OC90: variants seen among roughly 807,000 people sequenced by gnomAD.
OC90 encodes the protein otoconin 90.
A neutral mutation model predicts 47.3 loss-of-function variants in OC90; 46 were observed. The ratio of observed to expected loss-of-function variants is 0.97; its 90% CI spans 0.77 to 1.24. The LOEUF (loss-of-function observed/expected upper bound fraction) is 1.24, where lower values mean the gene tolerates loss of function less well. Ranked by LOEUF, OC90 falls within the 50% of genes most tolerant of loss-of-function variation. The probability of loss-of-function intolerance (pLI) is 0.00; values close to 1 mark genes in which losing one functional copy is unlikely to be tolerated. For missense variants in OC90, 688 were observed against 583.9 expected (o/e 1.18, Z -1.84); for synonymous variants, 271 against 219.5 (o/e 1.23, Z -2.07).
intron 2 of OC90, among the ~76,000 whole-genome samples, chr8:132,048,498 A>G (rs1823167163): frequency 6.6e-6 from 1 of 151,366 alleles, no homozygotes; most frequent in African/African-American, 2.5e-5. Context: ...CACAGTATTA[A>G]GTCCTGCTTT....
intron 13 of OC90, 144 bp from the exon 14 acceptor site, chr8:132,024,920 A>C: frequency 1.6e-6 from 1 of 643,906 alleles, no homozygotes; most frequent in Non-Finnish European, 2.6e-6. Context: ...ATGGCTGGTA[A>C]TTTTCCAACT....
At position 132,041,170 on chromosome 8, in the gene OC90, G is replaced by T. The variant is rs749188721; in HGVS notation, c.345-14C>A. On this transcript the variant is annotated splice_polypyrimidine_tract_variant and intron_variant, in intron 5 of 13. Transcript: ENST00000254627. ...TGGAAGCAGCAGCTGTAGGAAGGCC[G>T]GGAGGAGGCAGGGTGAGAGTGTGGG... 1.3e-6 allele frequency: 2 copies of T among 1,559,034 alleles called. No homozygotes were observed. Among genetic ancestry groups the T allele is most frequent in the African/African-American group, 2.7e-5 (2 of 74,044 alleles).
rs774867252 is a variant in OC90, at chr8:132,038,846, C to T, written c.587-15G>A. On this transcript the variant is annotated splice_polypyrimidine_tract_variant and intron_variant, in intron 7 of 13. Transcript: ENST00000254627. The stretch of plus-strand genomic sequence containing the variant: ...GATGGTTGTCTCTGAAAAGAAAACA[C>T]TTTGGAAAGTCTGTTGAGAGCAGTG... The T allele has an allele frequency of 6.2e-7, 1 of 1,613,750 alleles. No homozygotes were observed. Among genetic ancestry groups the T allele is most frequent in the East Asian group, 2.2e-5 (1 of 44,870 alleles).
chr8:132,040,692 T>A (rs890293805), intron 6 of OC90, among the ~76,000 whole-genome samples: 5 of 152,198 alleles, frequency 3.3e-5, no homozygotes, highest in Non-Finnish European at 7.3e-5. Context: ...AGGTTTCTCC[T>A]CCCCTTTTTG....
chr8:132,050,388 T>C (rs1823195924), intron 2 of OC90, among the ~76,000 whole-genome samples: 3 of 152,154 alleles, frequency 2.0e-5, no homozygotes, highest in Admixed American at 2.0e-4. Flanking sequence ...CTTTGGAATC[T>C]GTCACTCATG....
chr8:132,039,892 T>A (rs565012575), intron 6 of OC90, among the ~76,000 whole-genome samples: 8 of 152,106 alleles, frequency 5.3e-5, no homozygotes, highest in Non-Finnish European at 1.0e-4. Flanking sequence ...GAACCCCCCC[T>A]TTCCCTCCAC....
intron 9 of OC90, among the ~76,000 whole-genome samples, chr8:132,037,064 A>T (rs1489802295): frequency 6.6e-6 from 1 of 152,218 alleles, no homozygotes; most frequent in Non-Finnish European, 1.5e-5. Flanking sequence ...TTCATAAATA[A>T]AGTTTTATTG....
rs191305644 is a variant in OC90, at chr8:132,033,897, A to G, written c.734-733T>C. 3.5e-3 allele frequency among the ~76,000 whole-genome samples: 540 copies of G among 152,296 alleles called. 6 individuals carry two copies. The highest frequency in any genetic ancestry group is 0.029 in the South Asian group (139 of 4,822). ...CTGACCCAGGCTCAGTTCCTGGAGT[A>G]TTGGGTAAGGTCTGGCATATTTGTG... On this transcript the variant is annotated intron_variant, in intron 10 of 13. Coordinates refer to ENST00000254627, the MANE Select transcript of OC90 (RefSeq NM_001080399.3).
chr8:132,048,852 C>G (rs1195516567), intron 2 of OC90, among the ~76,000 whole-genome samples: 1 of 151,520 alleles, frequency 6.6e-6, no homozygotes, highest in African/African-American at 2.5e-5. Context: ...GAGGCACAGT[C>G]TACAAGAGGG....
intron 2 of OC90, among the ~76,000 whole-genome samples, chr8:132,049,384 A>C (rs1164068814): frequency 6.6e-6 from 1 of 152,174 alleles, no homozygotes; most frequent in African/African-American, 2.4e-5. Flanking sequence ...ATCCTGTCCA[A>C]CTAGCTACCT....
At chr8:132,039,815 C>A (rs974502139) in intron 6 of OC90, among the ~76,000 whole-genome samples, 1 of 152,144 alleles carries the variant, frequency 6.6e-6, no homozygotes, top group African/African-American at 2.4e-5. Context: ...GCTTCCTGCC[C>A]ATTCTTTAAG....
Position 132,045,813 on chromosome 8 carries a change from C to T in OC90, c.112+5G>A, listed in dbSNP as rs1406266812. Reference sequence around the variant, plus strand: ...GCTCCTAAGAAAAGTTCTAAGAATCCTTACTGATATTGTTTGGGAGTCCTG... The same window carrying T: ...GCTCCTAAGAAAAGTTCTAAGAATCTTTACTGATATTGTTTGGGAGTCCTG... On this transcript the variant is annotated splice_donor_5th_base_variant and intron_variant, in intron 3 of 13. Coordinates refer to ENST00000254627, the MANE Select transcript of OC90 (RefSeq NM_001080399.3). The T allele has an allele frequency of 1.3e-6, 2 of 1,513,766 alleles. No homozygotes were observed. The highest frequency in any genetic ancestry group is 1.8e-6 in the Non-Finnish European group (2 of 1,112,444). 93.8% of individuals were successfully genotyped at this position (1,513,766 alleles called of 1,614,324 possible). A position where few individuals can be genotyped will look rare whatever the true frequency, so the allele number is the denominator to read the frequency against.
intron 5 of OC90, 70 bp downstream of exon 5, chr8:132,041,455 G>A: frequency 7.2e-7 from 1 of 1,394,694 alleles, no homozygotes; most frequent in Non-Finnish European, 9.8e-7. Flanking sequence ...TTGTGCTCTT[G>A]CCAAGGTATC....
intron 3 of OC90, among the ~76,000 whole-genome samples, chr8:132,044,691 C>A (rs1182255783): frequency 6.6e-6 from 1 of 152,250 alleles, no homozygotes; most frequent in East Asian, 1.9e-4. Context: ...TACTGGGTAG[C>A]ATTGCACAAT....
chr8:132,048,628 C>T (rs1204382035), intron 2 of OC90, among the ~76,000 whole-genome samples: 23 of 151,528 alleles, frequency 1.5e-4, no homozygotes, highest in African/African-American at 5.4e-4. Flanking sequence ...TTTCTATCAG[C>T]GTCAATAACT....
intron 8 of OC90, among the ~76,000 whole-genome samples, chr8:132,038,334 C>T (rs767376847): frequency 8.5e-5 from 13 of 152,148 alleles, no homozygotes; most frequent in African/African-American, 2.2e-4. Flanking sequence ...TTGCTGCAGG[C>T]GCTGGAGAGT....
intron 6 of OC90, 117 bp downstream of exon 6, chr8:132,040,927 G>C: frequency 1.4e-6 from 1 of 692,040 alleles, no homozygotes; most frequent in Non-Finnish European, 2.6e-6. Flanking sequence ...TGCCAACGAT[G>C]CTGCCAGTGG....
In OC90 at chr8:132,034,772, TAG is replaced by T. The variant is rs745454454; in HGVS notation, c.733+7_733+8del. The T allele has an allele frequency of 5.2e-5, 83 of 1,601,484 alleles. No homozygotes were observed. The highest frequency in any genetic ancestry group is 9.0e-5 in the East Asian group (4 of 44,688). On this transcript the variant is annotated splice_region_variant and intron_variant, in intron 10 of 13. Coordinates refer to ENST00000254627, the MANE Select transcript of OC90 (RefSeq NM_001080399.3). ...ATGAACATAGGCAGGTGGAGCCCAG[TAG>T]GCTTACCTGGAGGGGACGTAGCCCT...
rs1823123375 is a variant in OC90 at position 132,045,804 on chromosome 8, C to T, written c.112+14G>A. Reference sequence around the variant, plus strand: ...TTCTACTCTGCTCCTAAGAAAAGTTCTAAGAATCCTTACTGATATTGTTTG... The same window carrying T: ...TTCTACTCTGCTCCTAAGAAAAGTTTTAAGAATCCTTACTGATATTGTTTG... On this transcript the variant is annotated intron_variant, in intron 3 of 13. Transcript: ENST00000254627. The T allele has an allele frequency of 6.7e-7, 1 of 1,488,118 alleles. No homozygotes were observed. The highest frequency in any genetic ancestry group is 1.4e-5 in the African/African-American group (1 of 71,710). 92.2% of individuals were successfully genotyped at this position (1,488,118 alleles called of 1,614,324 possible). A position where few individuals can be genotyped will look rare whatever the true frequency, so the allele number is the denominator to read the frequency against.
Sources: gnomAD v4.1 joint callset for allele counts (sites outside exome capture counted in the v4.1 genomes callset) on GRCh38, gnomAD v4.1.1 for gene constraint, MANE v1.5 for transcripts, NCBI Gene and HGNC (gene_info 2026-07-23, HGNC 2026-07-21) for gene names.